SAMSN1: variants seen among roughly 807,000 people sequenced by gnomAD.
SAMSN1 encodes SAM domain-containing protein SAMSN-1.
In SAMSN1, 31 loss-of-function variants were observed where a neutral mutation model predicts 42.0. The observed-to-expected ratio is 0.74, with a 90% CI of 0.55 to 1.00. SAMSN1 has a LOEUF of 1.00. Ranked by LOEUF, SAMSN1 falls within the 50% of genes least tolerant of loss-of-function variation. SAMSN1 has a pLI of 0.00. For missense variants in SAMSN1, 464 were observed against 439.4 expected (o/e 1.06, Z -0.50); for synonymous variants, 178 against 151.9 (o/e 1.17, Z -1.26).
At chr21:14,649,847 G>T (rs932114664) in intron 1 of SAMSN1, among the ~76,000 whole-genome samples, 4 of 150,776 alleles carry the variant, frequency 2.7e-5, no homozygotes, top group Non-Finnish European at 4.4e-5. Context: ...GATGGAAAAA[G>T]ATATTCTATG....
intron 5 of SAMSN1, among the ~76,000 whole-genome samples, chr21:14,509,554 T>C (rs967622979): frequency 6.6e-6 from 1 of 151,988 alleles, no homozygotes; most frequent in Non-Finnish European, 1.5e-5. Flanking sequence ...AAAATAAAAA[T>C]AAAAAATACT....
intron 1 of SAMSN1, among the ~76,000 whole-genome samples, chr21:14,643,358 G>C (rs974087701): frequency 6.6e-6 from 1 of 152,124 alleles, no homozygotes; most frequent in South Asian, 2.1e-4. Flanking sequence ...ACAGAGCCAA[G>C]AATTTAAACA....
intron 5 of SAMSN1, among the ~76,000 whole-genome samples, chr21:14,501,506 G>A (rs915143135): frequency 1.5e-4 from 23 of 152,130 alleles, no homozygotes; most frequent in Admixed American, 1.4e-3. Context: ...TATTTATACT[G>A]TCAAAGTAAT....
At chr21:14,505,570 C>A (rs921318379) in intron 5 of SAMSN1, among the ~76,000 whole-genome samples, 4 of 152,148 alleles carry the variant, frequency 2.6e-5, no homozygotes, top group Admixed American at 2.6e-4. Context: ...CATGTATGCA[C>A]CTAACACTGG....
At chr21:14,588,765 C>G (rs968074797) in intron 7 of SAMSN1, among the ~76,000 whole-genome samples, 1 of 151,758 alleles carries the variant, frequency 6.6e-6, no homozygotes. Flanking sequence ...ATTCTATCTC[C>G]AAAATGTATC....
intron 6 of SAMSN1, among the ~76,000 whole-genome samples, chr21:14,595,392 C>T (rs1219956158): frequency 2.0e-5 from 3 of 152,074 alleles, no homozygotes; most frequent in Non-Finnish European, 4.4e-5. Context: ...TCTTGGACTT[C>T]TCAGCCTCTA....
chr21:14,504,161 G>C (rs1318902000), intron 5 of SAMSN1, among the ~76,000 whole-genome samples: 2 of 152,130 alleles, frequency 1.3e-5, no homozygotes, highest in African/African-American at 4.8e-5. Flanking sequence ...GAAGGAGCCA[G>C]AAAACCAACT....
chr21:14,582,423 T>C (rs1445357333), exon 2 of SAMSN1: 13 of 1,544,508 alleles, frequency 8.4e-6, no homozygotes, highest in Admixed American at 4.0e-5. Context: ...GTGCTAACAC[T>C]ATTCACTTTC....
intron 2 of SAMSN1, among the ~76,000 whole-genome samples, chr21:14,572,990 TACTG>T (rs1197578267): frequency 2.0e-5 from 3 of 152,208 alleles, no homozygotes; most frequent in African/African-American, 7.2e-5. Flanking sequence ...GATACTGTCT[TACTG>T]AATCATAACA....
chr21:14,495,104 T>G (rs1047292617), intron 7 of SAMSN1, among the ~76,000 whole-genome samples: 2 of 152,224 alleles, frequency 1.3e-5, no homozygotes, highest in African/African-American at 2.4e-5. Flanking sequence ...CCTAGAAAAT[T>G]TACATGTCCC....
At chr21:14,638,998 A>G (rs1983532378) in intron 2 of SAMSN1, among the ~76,000 whole-genome samples, 1 of 152,244 alleles carries the variant, frequency 6.6e-6, no homozygotes, top group South Asian at 2.1e-4. Context: ...TTGAATGACC[A>G]CTATGCAGAA....
intron 4 of SAMSN1, among the ~76,000 whole-genome samples, chr21:14,511,445 A>G (rs1987684748): frequency 6.6e-6 from 1 of 152,218 alleles, no homozygotes; most frequent in South Asian, 2.1e-4. Flanking sequence ...AATTAATACT[A>G]ATGAGATCTG....
chr21:14,565,672 G>T (rs1273382243), intron 2 of SAMSN1, among the ~76,000 whole-genome samples: 1 of 152,156 alleles, frequency 6.6e-6, no homozygotes, highest in Non-Finnish European at 1.5e-5. Context: ...CACAGAAAGA[G>T]ACTGTGGATC....
Position 14,622,356 on chromosome 21 carries a change from AG to A in SAMSN1, c.157-6341del, listed in dbSNP as rs1437578180. Among the ~76,000 whole-genome samples, 8 of 152,334 alleles carry A rather than the reference AG, an allele frequency of 5.3e-5. No individual in the cohort carries two copies. In the East Asian group the frequency reaches 1.5e-3, roughly 29 times the overall value. ...AGGAAGAAGTTTGAACCCACCGCAA[AG>A]AAGCTAAAAAGCTTGGGAAAAGATT... On this transcript the variant is annotated intron_variant, in intron 2 of 15. Coordinates refer to the SAMSN1 transcript ENST00000647101.
intron 2 of SAMSN1, among the ~76,000 whole-genome samples, chr21:14,576,640 C>G (rs527441235): frequency 6.9e-6 from 1 of 144,980 alleles, no homozygotes; most frequent in Non-Finnish European, 1.5e-5. Flanking sequence ...GAAACAGTTG[C>G]GTAAAGAATT....
intron 2 of SAMSN1, among the ~76,000 whole-genome samples, chr21:14,623,423 G>A (rs181787847): frequency 1.8e-3 from 280 of 152,242 alleles, no homozygotes; most frequent in Non-Finnish European, 3.0e-3. Flanking sequence ...ATAAAGGGAT[G>A]GAAGAAGATC....
chr21:14,603,972 G>A (rs911099615), intron 5 of SAMSN1, among the ~76,000 whole-genome samples: 4 of 151,994 alleles, frequency 2.6e-5, no homozygotes, highest in Admixed American at 1.3e-4. Context: ...TTTTTAAAAC[G>A]CCATATGGCC....
chr21:14,536,973 T>G (rs1162132846), intron 1 of SAMSN1, among the ~76,000 whole-genome samples: 2 of 152,242 alleles, frequency 1.3e-5, no homozygotes, highest in Non-Finnish European at 2.9e-5. Context: ...CAGTTATCCC[T>G]TGCCTGGTTT....
At chr21:14,631,985 C>T (rs1056607391) in intron 2 of SAMSN1, among the ~76,000 whole-genome samples, 1 of 152,070 alleles carries the variant, frequency 6.6e-6, no homozygotes, top group African/African-American at 2.4e-5. Flanking sequence ...GAAAAAAACT[C>T]ATCTAACTTC....
Sources: allele counts gnomAD v4.1 joint callset (sites outside exome capture counted in the v4.1 genomes callset), GRCh38; gene constraint gnomAD v4.1.1; transcripts MANE v1.5; gene names NCBI Gene and HGNC (gene_info 2026-07-23, HGNC 2026-07-21).